CNOT1: variants seen among roughly 807,000 people sequenced by gnomAD.
CNOT1 encodes the protein CCR4-associated factor 1.
CNOT1 carries 15 observed loss-of-function variants against 273.8 expected under a neutral mutation model. That is an observed-to-expected ratio of 0.05 (90% CI 0.04 to 0.08). CNOT1 has a LOEUF of 0.08. Ranked by LOEUF, CNOT1 falls within the 10% of genes least tolerant of loss-of-function variation. The pLI, the probability that CNOT1 is intolerant of heterozygous loss-of-function variation, is 1.00. For synonymous variants in CNOT1, 1,022 were observed against 1,005.5 expected, an observed-to-expected ratio of 1.02 and a Z score of -0.31; for missense variants, 1,644 against 2,912.2, an observed-to-expected ratio of 0.56 and a Z score of 10.02.
At chr16:58,527,483 C>T (rs945414839) in intron 44 of CNOT1, among the ~76,000 whole-genome samples, 4 of 151,674 alleles carry the variant, frequency 2.6e-5, no homozygotes, top group South Asian at 2.1e-4. Context: ...GCTGAGATTG[C>T]GCCACTGCAC....
intron 47 of CNOT1, 63 bp from the exon 48 acceptor site, chr16:58,521,380 C>G: frequency 6.6e-7 from 1 of 1,513,582 alleles, no homozygotes; most frequent in Non-Finnish European, 8.9e-7. Flanking sequence ...ATTATTCTTC[C>G]ATTACTTTTT....
chr16:58,543,627 T>C lies in CNOT1; in HGVS notation c.4414A>G (p.Ser1472Gly), dbSNP rs749865355. 7 of 1,614,068 alleles carry C rather than the reference T, an allele frequency of 4.3e-6. No homozygotes were observed. The Admixed American group carries it at 1.2e-4, about 27-fold the overall frequency. ...LMSISTNLKNSFASALRTASP... is the reference protein window; with the variant it reads ...LMSISTNLKNGFASALRTASP... ...CTTACACGAAGGGCTGAGGCAAAAC[T>C]GTTTTTTAAGTTGGTAGATATGCTC... The change falls in exon 31 of 49, where the codon AGT becomes GGT. Residue 1472 changes from serine to glycine, a missense_variant. Ser to Gly is a moderately conservative substitution (Grantham distance 56). This residue lies in a region of CNOT1 where 133 missense variants were observed against 230.4 expected (regional missense o/e 0.58). Transcript: ENST00000317147.
chr16:58,534,348 G>A lies in CNOT1; in HGVS notation c.5694C>T (p.Phe1898=). The A allele has an allele frequency of 6.2e-7, 1 of 1,614,170 alleles. No homozygotes were observed. Among genetic ancestry groups the A allele is most frequent in the Non-Finnish European group, 8.5e-7 (1 of 1,180,034 alleles). Residue 1898 remains phenylalanine, a synonymous_variant, in exon 40 of 49, where the codon TTC becomes TTT. Transcript: ENST00000317147. ...ILKTDDLITR[F]FRLCTEMCVE... ...CACACATTTCAGTACACAGACGAAA[G>A]AACCTTGTTATGAGATCATCGGTCT... is the stretch of plus-strand genomic sequence containing the variant.
chr16:58,546,737 G>A lies in CNOT1; in HGVS notation c.3763C>T (p.Pro1255Ser). 1.9e-6 allele frequency: 3 copies of A among 1,613,860 alleles called. No individual in the cohort carries two copies. The highest frequency in any genetic ancestry group is 2.5e-6 in the Non-Finnish European group (3 of 1,179,890). ...ATAATTGCCATTGTCCAAGGGTTTGGTGGCCTAAAAACCTAAAGAAAAGCT... is the reference window on the plus strand; with the variant it reads ...ATAATTGCCATTGTCCAAGGGTTTGATGGCCTAAAAACCTAAAGAAAAGCT... The part of the protein sequence containing the change: ...SSIRSVVFRP[P>S]NPWTMAIMNV... Residue 1255 changes from proline to serine, a missense_variant, in exon 28 of 49, where the codon CCA becomes TCA. Pro to Ser is a moderately conservative substitution (Grantham distance 74, BLOSUM62 -1). Around this residue, in one of 13 missense-constraint regions of CNOT1, gnomAD observed 124 missense variants for 289.3 expected, o/e 0.43. Transcript: ENST00000317147.
chr16:58,621,230 TA>T (rs1190178335), intron 1 of CNOT1, among the ~76,000 whole-genome samples: 1 of 152,084 alleles, frequency 6.6e-6, no homozygotes, highest in African/African-American at 2.4e-5. Context: ...CCAAAAGTGT[TA>T]GGATTGCAGG....
In CNOT1 at chr16:58,526,052, C is replaced by T; in HGVS notation, c.6540G>A (p.Leu2180=). Residue 2180 remains leucine (L), a synonymous_variant, in exon 45 of 49, where the codon TTG becomes TTA. Coordinates refer to ENST00000317147, the MANE Select transcript of CNOT1 (RefSeq NM_016284.5). The stretch of plus-strand genomic sequence containing the variant: ...GTGATCGAGTTTTAAGATAGGAATC[C>T]AAATCCTTTTTGAACTGAGGTGGCA... ...GVMPPQFKKD[L]DSYLKTRSPV... 6.2e-7 allele frequency: 1 copy of T among 1,614,024 alleles called. No individual in the cohort carries two copies. Among genetic ancestry groups the T allele is most frequent in the African/African-American group, 1.3e-5 (1 of 75,012 alleles).
At chr16:58,529,796 G>T (rs1245630906) in intron 43 of CNOT1, among the ~76,000 whole-genome samples, 1 of 119,944 alleles carries the variant, frequency 8.3e-6, no homozygotes, top group African/African-American at 3.0e-5. Context: ...AGCTGAGATC[G>T]CGCCACTGCA....
chr16:58,531,611 C>T (rs575250034), intron 42 of CNOT1, among the ~76,000 whole-genome samples: 2 of 152,094 alleles, frequency 1.3e-5, no homozygotes, highest in South Asian at 4.1e-4. Context: ...ACACCCCTAC[C>T]CCCAAAAAAA....
chr16:58,531,045 TTCTC>T (rs1420707818), intron 42 of CNOT1, among the ~76,000 whole-genome samples: 1 of 152,216 alleles, frequency 6.6e-6, no homozygotes, highest in Non-Finnish European at 1.5e-5. Flanking sequence ...GCCATTTCCT[TTCTC>T]TCTTCCAGCT....
chr16:58,520,287 A>C lies in CNOT1; in HGVS notation c.*671T>G, dbSNP rs527946873. ...TAGGCCTGGTCTGGTTTCCCTTTAT[A>C]TAAAGAGCTGACCCCCATCTCAGGC... On this transcript the variant is annotated 3_prime_UTR_variant, in exon 49 of 49. Coordinates refer to ENST00000317147, the MANE Select transcript of CNOT1 (RefSeq NM_016284.5). The C allele has an allele frequency of 2.0e-5, 3 of 152,272 alleles. No homozygotes were observed. Among genetic ancestry groups the C allele is most frequent in the Admixed American group, 6.5e-5 (1 of 15,284 alleles). The allele number at this position is 152,272 out of a possible 1,614,324, so 9.4% of individuals were successfully genotyped here.
chr16:58,621,684 C>T lies in CNOT1; in HGVS notation c.-175+8044G>A, dbSNP rs1388940105. On this transcript the variant is annotated intron_variant, in intron 1 of 48. Coordinates refer to ENST00000317147, the MANE Select transcript of CNOT1 (RefSeq NM_016284.5). ...CTGTAATCCCAGCACTTTGGGAGGC[C>T]GAGGCGGGCAGATCACGAGGTCAGG... 4.7e-5 allele frequency among the ~76,000 whole-genome samples: 7 copies of T among 149,244 alleles called. No individual in the cohort carries two copies. In the East Asian group the frequency reaches 6.1e-4, roughly 13 times the overall value.
At chr16:58,540,141 G>T in intron 34 of CNOT1, 182 bp from the exon 35 acceptor site, 1 of 586,176 alleles carries the variant, frequency 1.7e-6, no homozygotes, top group Non-Finnish European at 2.9e-6. Context: ...CCATCAAGTG[G>T]CACAGTACAA....
Position 58,537,211 on chromosome 16 carries a change from C to G in CNOT1, c.5424G>C (p.Gln1808His). Residue 1808 changes from glutamine (Q) to histidine (H), a missense_variant, in exon 39 of 49, where the codon CAG (glutamine) becomes CAC (histidine). Gln to His is a conservative substitution (Grantham distance 24). This residue lies in a region of CNOT1 where 133 missense variants were observed against 328.2 expected (regional missense o/e 0.41). Transcript: ENST00000317147. ...AGTTGGATCGCACTACTTCCATCAGCTGGGGCAATCTAGCACAATAAATAA... is the reference window on the plus strand; with the variant it reads ...AGTTGGATCGCACTACTTCCATCAGGTGGGGCAATCTAGCACAATAAATAA... ...SRGNAPEGLP[Q>H]LMEVVRSNYE... is the part of the protein sequence containing the mutation. 1 of 1,599,152 alleles carries G rather than the reference C, an allele frequency of 6.3e-7. No homozygotes were observed. The highest frequency in any genetic ancestry group is 1.1e-5 in the South Asian group (1 of 89,066).
chr16:58,616,358 G>A (rs8056723), intron 1 of CNOT1, among the ~76,000 whole-genome samples: 89,193 of 119,960 alleles, frequency 0.74, 34,665 homozygotes, highest in Middle Eastern at 0.85. Context: ...CACCTGCCTC[G>A]GCCTCCCAAA....
At chr16:58,607,386 T>C (rs1335294148) in intron 1 of CNOT1, among the ~76,000 whole-genome samples, 1 of 152,030 alleles carries the variant, frequency 6.6e-6, no homozygotes, top group Non-Finnish European at 1.5e-5. Context: ...TGCTCACATA[T>C]ATATAGTTGC....
At chr16:58,618,089 T>C (rs2043158754) in intron 1 of CNOT1, among the ~76,000 whole-genome samples, 1 of 152,194 alleles carries the variant, frequency 6.6e-6, no homozygotes, top group South Asian at 2.1e-4. Flanking sequence ...AGAAATGGTA[T>C]GCAGCTTACA....
chr16:58,549,485 T>C (rs1446075294), intron 25 of CNOT1, among the ~76,000 whole-genome samples: 3 of 152,282 alleles, frequency 2.0e-5, no homozygotes, highest in African/African-American at 4.8e-5. Context: ...ATGCATGGCA[T>C]GACAAAAACA....
chr16:58,567,102 T>C (rs753371506), intron 16 of CNOT1, among the ~76,000 whole-genome samples: 198 of 152,064 alleles, frequency 1.3e-3, no homozygotes, highest in Non-Finnish European at 8.5e-4. Context: ...TGAGCTATGA[T>C]TGTGCCTGTG....
chr16:58,613,207 T>A (rs1161002848), intron 1 of CNOT1, among the ~76,000 whole-genome samples: 1 of 152,080 alleles, frequency 6.6e-6, no homozygotes, highest in Non-Finnish European at 1.5e-5. Flanking sequence ...AATTTTTTTT[T>A]ATTTTTAGTA....
Sources: gnomAD v4.1 joint callset for allele counts (sites outside exome capture counted in the v4.1 genomes callset) on GRCh38, gnomAD v4.1.1 for gene constraint, gnomAD v4.1.1 regional missense constraint, MANE v1.5 for transcripts, NCBI Gene and HGNC (gene_info 2026-07-23, HGNC 2026-07-21) for gene names.